TTC19: variants seen among roughly 807,000 people sequenced by gnomAD.
TTC19 encodes the protein tetratricopeptide repeat protein 19, mitochondrial.
A neutral mutation model predicts 49.5 loss-of-function variants in TTC19; 38 were observed. The observed-to-expected ratio is 0.77, with a 90% CI of 0.59 to 1.01. The LOEUF is 1.01. Ranked by LOEUF, TTC19 falls within the 50% of genes least tolerant of loss-of-function variation. The probability of loss-of-function intolerance (pLI) is 0.00; values close to 1 mark genes in which losing one functional copy is unlikely to be tolerated. For synonymous variants in TTC19, 204 were observed against 185.2 expected (o/e 1.10, Z -0.83); for missense variants, 475 against 477.7 (o/e 0.99, Z 0.05).
intron 7 of TTC19, among the ~76,000 whole-genome samples, chr17:16,011,086 T>G (rs1299822119): frequency 6.6e-6 from 1 of 152,274 alleles, no homozygotes; most frequent in African/African-American, 2.4e-5. Context: ...CTTGCTTTCT[T>G]CAATTCATAA....
chr17:16,003,683 T>C (rs769940591), intron 4 of TTC19, 148 bp from the exon 5 acceptor site: 81 of 725,576 alleles, frequency 1.1e-4, no homozygotes, highest in Non-Finnish European at 1.7e-4. Flanking sequence ...TTCAAAAGGG[T>C]ACTTTTCTGT....
intron 7 of TTC19, 78 bp from the exon 8 acceptor site, chr17:16,024,939 G>A: frequency 7.6e-7 from 1 of 1,312,404 alleles, no homozygotes; most frequent in Non-Finnish European, 1.1e-6. Flanking sequence ...TGACATGTGG[G>A]TCCCATTCTG....
intron 6 of TTC19, among the ~76,000 whole-genome samples, 200 bp downstream of exon 6, chr17:16,004,462 A>T (rs1970833823): frequency 6.6e-6 from 1 of 152,182 alleles, no homozygotes; most frequent in Non-Finnish European, 1.5e-5. Context: ...CTAGTGGGGC[A>T]CACAACATCT....
intron 2 of TTC19, among the ~76,000 whole-genome samples, chr17:16,038,469 CTT>C (rs1458045505): frequency 1.3e-5 from 2 of 151,030 alleles, no homozygotes; most frequent in African/African-American, 4.9e-5. Flanking sequence ...CAGGGTCTCA[CTT>C]TGTCACCTGG....
At position 16,026,580 on chromosome 17, in the gene TTC19, C is replaced by G. The variant is rs767703864; in HGVS notation, c.872C>G (p.Ala291Gly). The G allele has an allele frequency of 6.2e-7, 1 of 1,614,152 alleles. No individual in the cohort carries two copies. Among genetic ancestry groups the G allele is most frequent in the South Asian group, 1.1e-5 (1 of 91,082 alleles). ...AGTGACCTGGCTACTACCCTGGATG[C>G]ACAGGGCCGCTTTGATGAGGCCTAT... ...LMSDLATTLDAQGRFDEAYIY... is the reference protein window; with the variant it reads ...LMSDLATTLDGQGRFDEAYIY... The change falls in exon 9 of 10, where the codon GCA becomes GGA. Residue 291 changes from alanine (A) to glycine (G), a missense_variant. Coordinates refer to ENST00000261647, the MANE Select transcript of TTC19 (RefSeq NM_017775.4).
intron 5 of TTC19, 62 bp from the exon 6 acceptor site, chr17:16,004,139 C>A: frequency 1.3e-6 from 2 of 1,512,600 alleles, no homozygotes; most frequent in Non-Finnish European, 1.8e-6. Flanking sequence ...GGAAGTTGAT[C>A]TGAAATATGC....
intron 4 of TTC19, 25 bp downstream of exon 4, chr17:16,002,856 T>C (rs1970783777): frequency 6.2e-7 from 1 of 1,611,024 alleles, no homozygotes; most frequent in East Asian, 2.2e-5. Flanking sequence ...TTGTAATATC[T>C]TGAATTTATG....
chr17:16,034,928 T>C (rs1043886159), intron 2 of TTC19: 2 of 1,613,940 alleles, frequency 1.2e-6, no homozygotes, highest in African/African-American at 1.3e-5. Context: ...TGATCAGCTT[T>C]GGTTTGCAAA....
intron 2 of TTC19, chr17:16,034,988 C>A: frequency 1.3e-6 from 2 of 1,551,284 alleles, no homozygotes; most frequent in South Asian, 1.2e-5. Flanking sequence ...ATTAAGTTCT[C>A]AAAAATTACC....
In TTC19 at chr17:16,029,219, G is replaced by A. The variant is rs1971742184; in HGVS notation, c.*1697G>A. On this transcript the variant is annotated 3_prime_UTR_variant, in exon 10 of 10. Transcript: ENST00000261647. ...ATCATCCACAGTGACTCAGCTCATG[G>A]TCTCGTTGTTGGAAACACTAGGAGT... 2 of 453,664 alleles carry A rather than the reference G, an allele frequency of 4.4e-6. No individual in the cohort carries two copies. 28.1% of individuals were successfully genotyped at this position (453,664 alleles called of 1,614,324 possible). A position where few individuals can be genotyped will look rare whatever the true frequency, so the allele number is the denominator to read the frequency against.
At chr17:16,030,518 T>G, downstream of TTC19, 1 of 195,788 alleles carries the variant, frequency 5.1e-6, no homozygotes, top group African/African-American at 2.3e-5. Context: ...AGCAGAAAAC[T>G]GTGAAGTGGA....
At chr17:16,002,958 A>G (rs1441844517) in intron 4 of TTC19, 127 bp downstream of exon 4, 1 of 911,104 alleles carries the variant, frequency 1.1e-6, no homozygotes, top group Non-Finnish European at 1.8e-6. Flanking sequence ...CAAACAAGAT[A>G]AAAGTGTATT....
rs1403007083 is a variant in TTC19, at chr17:16,044,820, G to A, written c.*265G>A. 5 of 1,087,618 alleles carry A rather than the reference G, an allele frequency of 4.6e-6. No individual in the cohort carries two copies. In the Admixed American group the frequency reaches 8.7e-5, roughly 19 times the overall value. 67.4% of individuals were successfully genotyped at this position (1,087,618 alleles called of 1,614,324 possible). ...CTCATCTACAATGTAGGGGCTGGTG[G>A]ACCTGCTCCAGCAGCTGGTGCTGCA... On this transcript the variant is annotated 3_prime_UTR_variant, in exon 3 of 3. Coordinates refer to the TTC19 transcript ENST00000470649.
intron 2 of TTC19, among the ~76,000 whole-genome samples, chr17:16,001,292 C>T (rs1970723235): frequency 6.6e-6 from 1 of 152,196 alleles, no homozygotes; most frequent in Admixed American, 6.5e-5. Flanking sequence ...CCTTGCCCAC[C>T]CATTTGGCAG....
downstream of TTC19, chr17:16,029,876 A>G (rs2151706895): frequency 6.5e-6 from 1 of 153,126 alleles, no homozygotes; most frequent in Admixed American, 6.5e-5. Context: ...GGTTCACAGC[A>G]CCTCACCTTC....
In TTC19 at chr17:16,041,806, G is replaced by T. The variant is rs954623530; in HGVS notation, c.248-2697G>T. 5.9e-5 allele frequency among the ~76,000 whole-genome samples: 9 copies of T among 151,990 alleles called. No individual in the cohort carries two copies. The South Asian group carries it at 1.5e-3, about 25-fold the overall frequency. ...GGCTGGAGTGCAGCGGTGCGATCTT[G>T]GCTCACTGCAAGCTCTGCCTCCCAG... On this transcript the variant is annotated intron_variant, in intron 2 of 2. Transcript: ENST00000470649.
At chr17:16,004,032 C>T (rs755755485) in intron 5 of TTC19, 145 bp downstream of exon 5, 1 of 1,143,700 alleles carries the variant, frequency 8.7e-7, no homozygotes, top group African/African-American at 1.5e-5. Context: ...AATTGCCATT[C>T]TTTCACTAAA....
intron 2 of TTC19, among the ~76,000 whole-genome samples, chr17:16,001,230 C>T (rs1256514656): frequency 1.3e-5 from 2 of 152,118 alleles, no homozygotes; most frequent in Non-Finnish European, 2.9e-5. Context: ...TGATAAAATA[C>T]AAACTCCTTG....
At chr17:16,033,459 G>C (rs1302518572), downstream of TTC19, among the ~76,000 whole-genome samples, 1 of 152,032 alleles carries the variant, frequency 6.6e-6, no homozygotes, top group Non-Finnish European at 1.5e-5. Context: ...ACTGGTCTGG[G>C]CTGTAAGCTT....
Sources: allele counts gnomAD v4.1 joint callset (sites outside exome capture counted in the v4.1 genomes callset), GRCh38; gene constraint gnomAD v4.1.1; transcripts MANE v1.5; gene names NCBI Gene and HGNC (gene_info 2026-07-23, HGNC 2026-07-21).